PBX1: variants seen among roughly 807,000 people sequenced by gnomAD.
PBX1 encodes the protein PBX homeobox 1, also known as pre-B-cell leukemia transcription factor 1.
PBX1 carries 6 observed loss-of-function variants against 53.4 expected under a neutral mutation model. The observed-to-expected ratio is 0.11, with a 90% CI of 0.06 to 0.22. The LOEUF is 0.22. Among genes scored for constraint, PBX1 ranks in the 10% least tolerant of loss-of-function variants. PBX1 has a pLI of 1.00. For synonymous variants in PBX1, 204 were observed against 212.3 expected (o/e 0.96, Z 0.34); for missense variants, 251 against 551.4 (o/e 0.46, Z 5.46).
chr1:164,722,812 C>T (rs1664482292), intron 2 of PBX1, among the ~76,000 whole-genome samples: 1 of 152,200 alleles, frequency 6.6e-6, no homozygotes, highest in Admixed American at 6.5e-5. Context: ...AAGCACTGCT[C>T]AGGACTCCTT....
intron 8 of PBX1, among the ~76,000 whole-genome samples, chr1:164,844,613 T>C (rs1487775921): frequency 1.3e-5 from 2 of 152,326 alleles, no homozygotes; most frequent in East Asian, 3.9e-4. Flanking sequence ...GCGATAAGTA[T>C]ATCTTATTTT....
At chr1:164,786,710 TGTGTGTGTGTGC>T (rs1468666354) in intron 2 of PBX1, among the ~76,000 whole-genome samples, 7 of 143,020 alleles carry the variant, frequency 4.9e-5, no homozygotes, top group African/African-American at 2.0e-4. Flanking sequence ...TGTGTGTGTG[TGTGTGTGTGTGC>T]GCGCGCACAC....
intron 2 of PBX1, among the ~76,000 whole-genome samples, chr1:164,870,267 T>TTCCTTCCTTCCTTCCTTCCTTCCC (rs1672330352): frequency 5.3e-5 from 1 of 18,738 alleles, no homozygotes; most frequent in African/African-American, 1.1e-4. Flanking sequence ...CCTTCCTTCC[T>TTCCTTCCTTCCTTCCTTCCTTCCC]TCTTTCTTTC....
At chr1:164,591,358 G>A (rs1453845166) in intron 2 of PBX1, among the ~76,000 whole-genome samples, 1 of 152,068 alleles carries the variant, frequency 6.6e-6, no homozygotes, top group Non-Finnish European at 1.5e-5. Flanking sequence ...AAAAAATTTT[G>A]GAATCAAGGG....
At chr1:164,820,044 T>C (rs1413756620) in intron 6 of PBX1, 28 bp from the exon 7 acceptor site, 20 of 1,414,488 alleles carry the variant, frequency 1.4e-5, no homozygotes, top group Non-Finnish European at 1.9e-5. Context: ...CTTTCTGTGA[T>C]TCAGGTGCCT....
chr1:164,685,116 G>GCGGGCCT (rs1662024259), intron 2 of PBX1, among the ~76,000 whole-genome samples: 1 of 152,154 alleles, frequency 6.6e-6, no homozygotes, highest in African/African-American at 2.4e-5. Flanking sequence ...TGACCAAGAC[G>GCGGGCCT]CGGGCCTCGT....
intron 2 of PBX1, among the ~76,000 whole-genome samples, chr1:164,679,090 A>G (rs1235772231): frequency 1.3e-5 from 2 of 152,160 alleles, no homozygotes; most frequent in Non-Finnish European, 2.9e-5. Flanking sequence ...AAAACCATCC[A>G]TCGGTTTTCT....
At position 164,791,429 on chromosome 1, in the gene PBX1, A is replaced by G. The variant is rs569668629; in HGVS notation, c.266-1065A>G. ...GGACCTCACCCTTGTTTCCAACAGGACAGAGTCCTTATCACTCGGAACACA... is the reference window on the plus strand; with the variant it reads ...GGACCTCACCCTTGTTTCCAACAGGGCAGAGTCCTTATCACTCGGAACACA... On this transcript the variant is annotated intron_variant, in intron 2 of 8. Transcript: ENST00000420696. Among the ~76,000 whole-genome samples the G allele has an allele frequency of 3.9e-5, 6 of 152,310 alleles. No homozygotes were observed. The South Asian group carries it at 8.3e-4, about 21-fold the overall frequency.
chr1:164,798,955 G>C lies in PBX1; in HGVS notation c.511-744G>C, dbSNP rs150075213. Among the ~76,000 whole-genome samples the C allele has an allele frequency of 1.4e-3, 211 of 152,172 alleles. 9 individuals are homozygous for C. The South Asian group carries it at 0.031, about 22-fold the overall frequency. Reference sequence around the variant, plus strand: ...TCCATAATTCCATTTAAACTCTTTTGGCTATTTATGCATTCTAAAATTGAG... The same window carrying C: ...TCCATAATTCCATTTAAACTCTTTTCGCTATTTATGCATTCTAAAATTGAG... On this transcript the variant is annotated intron_variant, in intron 3 of 8. Coordinates refer to ENST00000420696, the MANE Select transcript of PBX1 (RefSeq NM_002585.4).
chr1:164,718,106 G>C (rs1195114062), intron 2 of PBX1, among the ~76,000 whole-genome samples: 1 of 152,220 alleles, frequency 6.6e-6, no homozygotes, highest in Non-Finnish European at 1.5e-5. Context: ...TTGGAAGTCA[G>C]ATCCAAGTCT....
chr1:164,559,193 CAGG>C lies in PBX1; in HGVS notation c.-626_-624del, dbSNP rs1268626277. On this transcript the variant is annotated 5_prime_UTR_variant, in exon 1 of 9. Transcript: ENST00000420696. ...GTCCTGAGCCTGAGCTAAACAAAAG[CAGG>C]AGGCTGACGGGGCTGCTGGAGTTTG... 1 of 176,788 alleles carries C rather than the reference CAGG, an allele frequency of 5.7e-6. No homozygotes were observed. The highest frequency in any genetic ancestry group is 1.2e-5 in the Non-Finnish European group (1 of 82,526). 11.0% of individuals were successfully genotyped at this position (176,788 alleles called of 1,614,324 possible). A position where few individuals can be genotyped will look rare whatever the true frequency, so the allele number is the denominator to read the frequency against.
intron 2 of PBX1, among the ~76,000 whole-genome samples, chr1:164,631,764 C>A (rs1658423794): frequency 6.6e-6 from 1 of 152,214 alleles, no homozygotes; most frequent in Non-Finnish European, 1.5e-5. Context: ...TAAGATAAAT[C>A]AGCTATTGTA....
At chr1:164,794,404 C>A (rs1252045274) in intron 3 of PBX1, among the ~76,000 whole-genome samples, 3 of 152,090 alleles carry the variant, frequency 2.0e-5, no homozygotes, top group Admixed American at 2.0e-4. Context: ...TTTATGAGGG[C>A]AGAAAAATTG....
At chr1:164,682,024 T>C (rs1276739292) in intron 2 of PBX1, 1 of 152,224 alleles carries the variant, frequency 6.6e-6, no homozygotes, top group Non-Finnish European at 1.5e-5. Flanking sequence ...TAAGTATTTC[T>C]GTAGTGTATG....
intron 2 of PBX1, among the ~76,000 whole-genome samples, chr1:164,766,439 T>G (rs574014325): frequency 5.3e-5 from 8 of 152,270 alleles, no homozygotes; most frequent in African/African-American, 1.9e-4. Context: ...GCTTTACCTA[T>G]GAGGAACACC....
At chr1:164,747,232 TA>T (rs1665938676) in intron 2 of PBX1, among the ~76,000 whole-genome samples, 1 of 152,016 alleles carries the variant, frequency 6.6e-6, no homozygotes, top group Admixed American at 6.6e-5. Flanking sequence ...TGATCTTTTT[TA>T]AAAAAATAGG....
intron 2 of PBX1, among the ~76,000 whole-genome samples, chr1:164,788,086 G>C (rs1001998816): frequency 6.6e-6 from 1 of 152,042 alleles, no homozygotes; most frequent in Non-Finnish European, 1.5e-5. Context: ...AAGAGATGAG[G>C]GGGAGGGAGA....
intron 6 of PBX1, chr1:164,817,074 G>T (rs1669911910): frequency 6.6e-6 from 1 of 152,222 alleles, no homozygotes; most frequent in Non-Finnish European, 1.5e-5. Context: ...CTGGGTGGCA[G>T]TTTAAATGAG....
chr1:164,848,597 T>G lies in PBX1; in HGVS notation c.*1921T>G, dbSNP rs996782115. 37 of 1,058,330 alleles carry G rather than the reference T, an allele frequency of 3.5e-5. No homozygotes were observed. The highest frequency in any genetic ancestry group is 8.4e-4 in the Middle Eastern group (2 of 2,368). The allele number at this position is 1,058,330 out of a possible 1,614,324, so 65.6% of individuals were successfully genotyped here. ...AAGAGTTATTGTTGATCTTCTTGGT[T>G]TTGGTCTGTCTCTTTTCTTAGGATA... On this transcript the variant is annotated 3_prime_UTR_variant, in exon 9 of 9. Transcript: ENST00000420696.
Sources: gnomAD v4.1 joint callset for allele counts (sites outside exome capture counted in the v4.1 genomes callset) on GRCh38, gnomAD v4.1.1 for gene constraint, MANE v1.5 for transcripts, NCBI Gene and HGNC (gene_info 2026-07-23, HGNC 2026-07-21) for gene names.